Variants in ADAP1 observed in about 807,000 individuals in gnomAD.
ADAP1 encodes arf-GAP with dual PH domain-containing protein 1.
In ADAP1, 31 loss-of-function variants were observed where a neutral mutation model predicts 54.9. That is an observed-to-expected ratio of 0.56 (90% CI 0.42 to 0.76). ADAP1 has a LOEUF of 0.76. ADAP1 is among the 30% of genes least tolerant of loss of function. ADAP1 has a pLI of 0.00. For synonymous variants in ADAP1, 313 were observed against 202.6 expected, an observed-to-expected ratio of 1.55 and a Z score of -4.63; for missense variants, 535 against 512.4, an observed-to-expected ratio of 1.04 and a Z score of -0.42.
intron 6 of ADAP1, 173 bp from the exon 7 acceptor site, chr7:900,789 G>A (rs1297308893): frequency 2.4e-5 from 16 of 654,276 alleles, no homozygotes; most frequent in East Asian, 5.6e-5. Context: ...CTGTGCCCAC[G>A]CTGAGGCCGG....
intron 2 of ADAP1, among the ~76,000 whole-genome samples, chr7:931,476 C>T (rs988383375): frequency 6.6e-6 from 1 of 152,062 alleles, no homozygotes; most frequent in African/African-American, 2.4e-5. Context: ...AGTCGGACGC[C>T]GAAGCTCACA....
In ADAP1 at chr7:905,299, AG is replaced by A. The variant is rs1374589876; in HGVS notation, c.389-128del. The A allele has an allele frequency of 4.6e-4, 80 of 172,684 alleles. 3 individuals carry two copies. The African/African-American group carries it at 6.6e-3, about 14-fold the overall frequency. 10.7% of individuals were successfully genotyped at this position (172,684 alleles called of 1,614,324 possible). A position where few individuals can be genotyped will look rare whatever the true frequency, so the allele number is the denominator to read the frequency against. On this transcript the variant is annotated intron_variant, in intron 4 of 10. Transcript: ENST00000265846. ...GGGGACACGGACGGGGGACACGGAC[AG>A]GGGGAGACGGACGGGGAGAGGGGAC...
At chr7:943,974 G>A (rs1326061456) in intron 1 of ADAP1, among the ~76,000 whole-genome samples, 1 of 152,016 alleles carries the variant, frequency 6.6e-6, no homozygotes, top group Non-Finnish European at 1.5e-5. Flanking sequence ...TGAGTGCAGT[G>A]AGGCAATCAT....
chr7:918,546 A>AGGGCAGTGG (rs1345189649), intron 4 of ADAP1, among the ~76,000 whole-genome samples: 11 of 152,152 alleles, frequency 7.2e-5, no homozygotes, highest in Admixed American at 4.6e-4. Context: ...CTCTTACACA[A>AGGGCAGTGG]GGGCAGTGGG....
intron 9 of ADAP1, 25 bp from the exon 10 acceptor site, chr7:899,286 G>A (rs760430717): frequency 2.5e-6 from 4 of 1,611,436 alleles, no homozygotes; most frequent in Non-Finnish European, 3.4e-6. Context: ...CGCACTGGAG[G>A]CGGGGCCATG....
intron 4 of ADAP1, among the ~76,000 whole-genome samples, chr7:919,074 C>T (rs1846054452): frequency 6.6e-6 from 1 of 152,186 alleles, no homozygotes; most frequent in South Asian, 2.1e-4. Flanking sequence ...CCAGCGCCCA[C>T]CTCCACAGCC....
chr7:904,083 A>G, intron 6 of ADAP1, 43 bp downstream of exon 6: 1 of 1,604,940 alleles, frequency 6.2e-7, no homozygotes, highest in African/African-American at 1.3e-5. Context: ...CTGAGGGCCC[A>G]CCCTCCTGTG....
intron 4 of ADAP1, chr7:905,580 GAGAAAGGAGAAAGGAGAAAGGAGAAAGGA>G (rs1845174299): frequency 1.9e-5 from 1 of 51,626 alleles, no homozygotes; most frequent in African/African-American, 1.5e-4. Flanking sequence ...AAGGAGAAAG[GAGAAAGGAGAAAGGAGAAAGGAGAAAGGA>G]GAAAGGAGAA....
At chr7:907,414 C>T (rs1845516385) in intron 4 of ADAP1, among the ~76,000 whole-genome samples, 2 of 152,168 alleles carry the variant, frequency 1.3e-5, no homozygotes, top group South Asian at 2.1e-4. Context: ...GAGGACCCGT[C>T]CTGAGCCCAG....
Position 926,777 on chromosome 7 carries a change from G to A in ADAP1, c.214-133C>T, listed in dbSNP as rs62430832. On this transcript the variant is annotated intron_variant, in intron 2 of 10. Coordinates refer to ENST00000265846, the MANE Select transcript of ADAP1 (RefSeq NM_006869.4). The surrounding 1 kb of genome is among the most constrained non-coding windows in gnomAD (Gnocchi z 4.6). ...CTGAGGGCTCCACCAGCACCAGGACGGGAACGCCACCTCCTCCTGCCCCAG... is the reference window on the plus strand; with the variant it reads ...CTGAGGGCTCCACCAGCACCAGGACAGGAACGCCACCTCCTCCTGCCCCAG... 0.36 allele frequency: 276,928 copies of A among 768,508 alleles called. 51,066 individuals carry two copies. Among genetic ancestry groups the A allele is most frequent in the East Asian group, 0.43 (13,692 of 32,126 alleles). 47.6% of individuals were successfully genotyped at this position (768,508 alleles called of 1,614,324 possible). A position where few individuals can be genotyped will look rare whatever the true frequency, so the allele number is the denominator to read the frequency against.
chr7:900,578 G>A lies in ADAP1; in HGVS notation c.687C>T (p.Arg229=). ...GGAATGCCACCTGCAGGTAGTGGAA[G>A]CGAGCAGCTCGGAGTGCATTGAACC... ...VDWFNALRAA[R]FHYLQVAFPG... The change falls in exon 7 of 11, where the codon CGC becomes CGT. Residue 229 remains arginine, a synonymous_variant. Transcript: ENST00000265846. 6.2e-7 allele frequency: 1 copy of A among 1,611,430 alleles called. No homozygotes were observed. The highest frequency in any genetic ancestry group is 8.5e-7 in the Non-Finnish European group (1 of 1,179,432).
Position 933,464 on chromosome 7 carries a change from AGGGGTCAGTGGTGCTGGAGAGCCGGG to A in ADAP1, c.213+1885_213+1910del, listed in dbSNP as rs1846647755. On this transcript the variant is annotated intron_variant, in intron 2 of 10. Coordinates refer to ENST00000265846, the MANE Select transcript of ADAP1 (RefSeq NM_006869.4). Reference sequence around the variant, plus strand: ...AAATGAGCTACTCCCAACCAGGGGCAGGGGTCAGTGGTGCTGGAGAGCCGGGGGCCGGGGTCAGTGGTGCTGGAGAG... The same window carrying A: ...AAATGAGCTACTCCCAACCAGGGGCAGGCCGGGGTCAGTGGTGCTGGAGAG... 4.6e-5 allele frequency among the ~76,000 whole-genome samples: 5 copies of A among 107,788 alleles called. No individual in the cohort carries two copies. In the South Asian group the frequency reaches 1.9e-3, roughly 41 times the overall value. 70.7% of individuals were successfully genotyped at this position (107,788 alleles called of 152,430 possible).
At chr7:899,600 C>T (rs1413725594) in intron 8 of ADAP1, 110 bp from the exon 9 acceptor site, 3 of 1,247,906 alleles carry the variant, frequency 2.4e-6, no homozygotes, top group East Asian at 2.5e-5. Context: ...GGGTCAGTCA[C>T]CTCCATTCAC....
At chr7:907,453 G>T (rs186646295) in intron 4 of ADAP1, among the ~76,000 whole-genome samples, 1 of 152,156 alleles carries the variant, frequency 6.6e-6, no homozygotes, top group Non-Finnish European at 1.5e-5. Context: ...CGAGTCTCGG[G>T]CCCGTGGGAT....
chr7:911,813 G>A (rs989362911), intron 4 of ADAP1, among the ~76,000 whole-genome samples: 6 of 151,484 alleles, frequency 4.0e-5, no homozygotes, highest in Non-Finnish European at 7.4e-5. Flanking sequence ...AAGGGGGCGG[G>A]GGACCCACGG....
At chr7:951,912 C>A (rs542055734) in intron 1 of ADAP1, among the ~76,000 whole-genome samples, 1 of 152,190 alleles carries the variant, frequency 6.6e-6, no homozygotes, top group South Asian at 2.1e-4. Context: ...AGCGATCCTC[C>A]GGCCTCGGCC....
chr7:903,930 G>A (rs772167883), intron 6 of ADAP1, 196 bp downstream of exon 6: 59 of 635,734 alleles, frequency 9.3e-5, no homozygotes, highest in East Asian at 1.4e-4. Context: ...CATGCTGCCC[G>A]GCGCCAGTGC....
chr7:908,028 C>G (rs1157278130), intron 4 of ADAP1, among the ~76,000 whole-genome samples: 1 of 152,208 alleles, frequency 6.6e-6, no homozygotes. Context: ...CTGTCCGTGA[C>G]CCCTCAGTGA....
intron 4 of ADAP1, among the ~76,000 whole-genome samples, chr7:913,097 GC>G (rs1312108230): frequency 6.6e-6 from 1 of 151,944 alleles, no homozygotes; most frequent in Admixed American, 6.6e-5. Flanking sequence ...TCCCACCTCG[GC>G]CTCCCAGAGT....
Sources: gnomAD v4.1 joint callset for allele counts (sites outside exome capture counted in the v4.1 genomes callset) on GRCh38, gnomAD v4.1.1 for gene constraint, Gnocchi (gnomAD v3.1) non-coding constraint, MANE v1.5 for transcripts, NCBI Gene and HGNC (gene_info 2026-07-23, HGNC 2026-07-21) for gene names.